Variants in TMEM114 observed in about 807,000 individuals in gnomAD.
The protein encoded by TMEM114 is claudin-26.
Under a neutral mutation model 6.2 loss-of-function variants are expected in TMEM114, and 6 were observed. That is an observed-to-expected ratio of 0.97 (90% CI 0.53 to 1.91). TMEM114 has a LOEUF of 1.91. TMEM114 is among the 40% of genes most tolerant of loss of function. TMEM114 has a pLI of 0.01. For missense variants in TMEM114, 218 were observed against 158.3 expected (o/e 1.38, Z -2.02); for synonymous variants, 104 against 73.0 (o/e 1.42, Z -2.16).
At chr16:8,542,084 C>G (rs1310307707) in intron 2 of TMEM114, among the ~76,000 whole-genome samples, 1 of 152,110 alleles carries the variant, frequency 6.6e-6, no homozygotes, top group East Asian at 1.9e-4. Flanking sequence ...TACCATTGTG[C>G]TGGCTGGAGA....
At chr16:8,533,283 A>T (rs1186374680), downstream of TMEM114, among the ~76,000 whole-genome samples, 1 of 152,178 alleles carries the variant, frequency 6.6e-6, no homozygotes, top group Non-Finnish European at 1.5e-5. Context: ...AGAACATCTG[A>T]GTTGAGACCT....
downstream of TMEM114, among the ~76,000 whole-genome samples, chr16:8,536,805 C>A (rs1247633740): frequency 1.3e-5 from 2 of 152,056 alleles, no homozygotes; most frequent in Non-Finnish European, 2.9e-5. Context: ...AATTATCCAC[C>A]CTTAGTCAGT....
chr16:8,529,634 A>T, the TMEM114 span, among the ~76,000 whole-genome samples: 2 of 151,978 alleles, frequency 1.3e-5, no homozygotes, highest in East Asian at 3.9e-4. Flanking sequence ...AATTAGCTTC[A>T]TTGGTGTTTC....
At chr16:8,547,484 C>T (rs1037353529) in intron 2 of TMEM114, among the ~76,000 whole-genome samples, 3 of 151,572 alleles carry the variant, frequency 2.0e-5, no homozygotes, top group East Asian at 1.9e-4. Flanking sequence ...CCTCTGCCTC[C>T]TGGGTTCAAG....
At chr16:8,542,764 C>A (rs1040281235) in intron 2 of TMEM114, among the ~76,000 whole-genome samples, 1 of 152,082 alleles carries the variant, frequency 6.6e-6, no homozygotes, top group Admixed American at 6.6e-5. Context: ...TCTGAGGGAA[C>A]TGGGATATTT....
intron 2 of TMEM114, among the ~76,000 whole-genome samples, chr16:8,572,844 G>A (rs1901781903): frequency 1.3e-5 from 2 of 152,192 alleles, no homozygotes; most frequent in African/African-American, 4.8e-5. Context: ...TTGGGGGATG[G>A]CTGGCAGTGG....
chr16:8,563,705 A>ATGAG (rs1334458425), intron 2 of TMEM114, among the ~76,000 whole-genome samples: 17 of 146,884 alleles, frequency 1.2e-4, no homozygotes, highest in Admixed American at 9.3e-4. Context: ...GAGTTAGTGA[A>ATGAG]TGAGTGAGTG....
chr16:8,547,140 G>A (rs1170428439), intron 2 of TMEM114, among the ~76,000 whole-genome samples: 2 of 152,082 alleles, frequency 1.3e-5, no homozygotes, highest in African/African-American at 4.8e-5. Context: ...CAGCAAATAC[G>A]GCTGGGGGAA....
In TMEM114 at chr16:8,557,631, T is replaced by G. The variant is rs1194569478; in HGVS notation, n.213-19805A>C. ...TGTATGTGGCCCTTAAGAACACAGG[T>G]GCTGGTCAGCAGCCTTGGTCCCTTT... On this transcript the variant is annotated intron_variant and non_coding_transcript_variant, in intron 2 of 2. Transcript: ENST00000623677. Among the ~76,000 whole-genome samples the G allele has an allele frequency of 3.3e-5, 5 of 152,214 alleles. No homozygotes were observed. In the East Asian group the frequency reaches 9.6e-4, roughly 29 times the overall value.
In TMEM114 at chr16:8,569,633, G is replaced by A. The variant is rs181650415; in HGVS notation, c.*140C>T. ...CAGCCAGGCCCCAAGCTTAGTCCGC[G>A]GGGATTTGTGGGGGAAGGAGGGGGG... On this transcript the variant is annotated 3_prime_UTR_variant, in exon 4 of 4. Coordinates refer to ENST00000620492, the MANE Select transcript of TMEM114 (RefSeq NM_001146336.2). 2.9e-4 allele frequency: 414 copies of A among 1,437,590 alleles called. 1 individual carries two copies. In the African/African-American group the frequency reaches 5.5e-3, roughly 19 times the overall value. The allele number at this position is 1,437,590 out of a possible 1,614,324, so 89.1% of individuals were successfully genotyped here.
chr16:8,543,221 C>A (rs372604952), intron 2 of TMEM114, among the ~76,000 whole-genome samples: 1 of 152,184 alleles, frequency 6.6e-6, no homozygotes, highest in African/African-American at 2.4e-5. Flanking sequence ...TAAGGAGAGA[C>A]GGCATGAGGA....
At chr16:8,570,493 G>A (rs1306878909) in intron 3 of TMEM114, among the ~76,000 whole-genome samples, 3 of 152,006 alleles carry the variant, frequency 2.0e-5, no homozygotes, top group Non-Finnish European at 2.9e-5. Context: ...CACCGCGCCC[G>A]GCTAATGTTT....
rs1902407663 is a variant in TMEM114, at chr16:8,589,210, C to G, written c.301+3G>C. On this transcript the variant is annotated splice_donor_region_variant and intron_variant, in intron 2 of 3. Transcript: ENST00000620492. Reference sequence around the variant, plus strand: ...CCTCCATCCTCACCCTCCCCGGACTCACTGAGAAGTTGCCGGCTCGATTCG... The same window carrying G: ...CCTCCATCCTCACCCTCCCCGGACTGACTGAGAAGTTGCCGGCTCGATTCG... The G allele has an allele frequency of 2.5e-6, 1 of 398,796 alleles. No homozygotes were observed. Among genetic ancestry groups the G allele is most frequent in the African/African-American group, 2.1e-5 (1 of 48,654 alleles). The allele number at this position is 398,796 out of a possible 1,614,324, so 24.7% of individuals were successfully genotyped here.
At chr16:8,558,819 C>G (rs886928933) in intron 2 of TMEM114, among the ~76,000 whole-genome samples, 3 of 151,712 alleles carry the variant, frequency 2.0e-5, no homozygotes, top group Non-Finnish European at 4.4e-5. Context: ...CGGCTCACTG[C>G]AACCCCTGCC....
chr16:8,565,619 C>T (rs368343420), downstream of TMEM114, among the ~76,000 whole-genome samples: 8 of 152,312 alleles, frequency 5.3e-5, no homozygotes, highest in African/African-American at 1.9e-4. Flanking sequence ...TCCACCTGCT[C>T]CGAGTTCTTT....
At chr16:8,547,391 T>C (rs1338685955) in intron 2 of TMEM114, among the ~76,000 whole-genome samples, 1 of 146,874 alleles carries the variant, frequency 6.8e-6, no homozygotes, top group Admixed American at 6.8e-5. Flanking sequence ...TTTCTTTCTT[T>C]CTTTCTTTTT....
chr16:8,572,556 T>G (rs1901772472), intron 2 of TMEM114, among the ~76,000 whole-genome samples: 1 of 152,202 alleles, frequency 6.6e-6, no homozygotes, highest in Admixed American at 6.5e-5. Flanking sequence ...TCACCTAAGC[T>G]GCCCAAGTAG....
downstream of TMEM114, among the ~76,000 whole-genome samples, chr16:8,534,095 G>C (rs1451850795): frequency 2.6e-5 from 4 of 152,142 alleles, no homozygotes; most frequent in Admixed American, 6.5e-5. Flanking sequence ...TGCCATGAGA[G>C]CAAGTCATTC....
At chr16:8,540,438 G>A (rs1356185571) in intron 2 of TMEM114, among the ~76,000 whole-genome samples, 1 of 152,098 alleles carries the variant, frequency 6.6e-6, no homozygotes, top group Non-Finnish European at 1.5e-5. Context: ...TCATCAGATT[G>A]TCATAAGTGT....
Sources: allele counts gnomAD v4.1 joint callset (sites outside exome capture counted in the v4.1 genomes callset), GRCh38; gene constraint gnomAD v4.1.1; transcripts MANE v1.5; gene names NCBI Gene and HGNC (gene_info 2026-07-23, HGNC 2026-07-21).